Variants in RDX observed in about 807,000 individuals in gnomAD.
The protein encoded by RDX is deafness, autosomal recessive 24.
In RDX, 32 loss-of-function variants were observed where a neutral mutation model predicts 83.7. The ratio of observed to expected loss-of-function variants is 0.38; its 90% CI spans 0.29 to 0.51. The LOEUF is 0.51. RDX is among the 20% of genes least tolerant of loss of function. The pLI, the probability that RDX is intolerant of heterozygous loss-of-function variation, is 0.87. For synonymous variants in RDX, 229 were observed against 222.7 expected (o/e 1.03, Z -0.25); for missense variants, 600 against 689.9 (o/e 0.87, Z 1.46).
intron 5 of RDX, among the ~76,000 whole-genome samples, chr11:110,260,825 ATTATTAC>A (rs1208958748): frequency 6.6e-6 from 1 of 152,224 alleles, no homozygotes; most frequent in Non-Finnish European, 1.5e-5. Flanking sequence ...AATACACTAT[ATTATTAC>A]TACTATGTAG....
chr11:110,295,532 C>A (rs919248980), intron 1 of RDX, among the ~76,000 whole-genome samples: 5 of 148,754 alleles, frequency 3.4e-5, no homozygotes, highest in Non-Finnish European at 7.4e-5. Flanking sequence ...ACTTTTAACA[C>A]ATTTCCAACC....
At chr11:110,254,329 A>G (rs1002680263) in intron 8 of RDX, among the ~76,000 whole-genome samples, 1 of 152,168 alleles carries the variant, frequency 6.6e-6, no homozygotes, top group African/African-American at 2.4e-5. Flanking sequence ...TAAAGAGGCT[A>G]ATATTCTTAT....
intron 15 of RDX, among the ~76,000 whole-genome samples, chr11:110,197,503 C>A (rs577207427): frequency 6.6e-6 from 1 of 152,296 alleles, no homozygotes; most frequent in South Asian, 2.1e-4. Context: ...TTCAAAATCT[C>A]TTTCTGTCAT....
intron 5 of RDX, among the ~76,000 whole-genome samples, chr11:110,262,069 C>T (rs1468470806): frequency 6.6e-6 from 1 of 151,922 alleles, no homozygotes; most frequent in African/African-American, 2.4e-5. Flanking sequence ...AAAAGGTAAT[C>T]CTTATATGAA....
chr11:110,280,159 T>A (rs771017218), intron 1 of RDX, among the ~76,000 whole-genome samples: 1 of 152,194 alleles, frequency 6.6e-6, no homozygotes, highest in Non-Finnish European at 1.5e-5. Context: ...TTAAGAATAC[T>A]TATTCAATGT....
intron 5 of RDX, among the ~76,000 whole-genome samples, chr11:110,259,119 G>T (rs760281435): frequency 1.3e-5 from 2 of 151,860 alleles, no homozygotes; most frequent in Non-Finnish European, 2.9e-5. Context: ...GGTATTTTTA[G>T]TAGAGACGGG....
chr11:110,207,860 A>G (rs1026908586), intron 14 of RDX, among the ~76,000 whole-genome samples: 6 of 152,194 alleles, frequency 3.9e-5, no homozygotes, highest in African/African-American at 1.4e-4. Context: ...TATTTGCTCT[A>G]ATTTGATAGA....
chr11:110,181,040 T>C (rs1047153227), intron 15 of RDX, among the ~76,000 whole-genome samples: 4 of 152,190 alleles, frequency 2.6e-5, no homozygotes, highest in Admixed American at 6.5e-5. Flanking sequence ...TGGACAAAAC[T>C]GCTTCATTGC....
At chr11:110,239,298 G>C (rs564085477) in intron 10 of RDX, among the ~76,000 whole-genome samples, 15 of 151,492 alleles carry the variant, frequency 9.9e-5, no homozygotes, top group Admixed American at 5.3e-4. Context: ...AAGATTTTTT[G>C]TGTAAGACCT....
intron 15 of RDX, among the ~76,000 whole-genome samples, chr11:110,192,117 C>T (rs1184521539): frequency 2.0e-5 from 3 of 152,136 alleles, no homozygotes; most frequent in African/African-American, 7.2e-5. Flanking sequence ...AGAGGCATCA[C>T]GTAACCCAAC....
chr11:110,205,596 C>CAA (rs535178400), intron 14 of RDX, among the ~76,000 whole-genome samples: 15 of 149,052 alleles, frequency 1.0e-4, no homozygotes, highest in African/African-American at 3.7e-4. Flanking sequence ...AAAAAACAGG[C>CAA]AAAAAAAAAG....
chr11:110,262,855 C>T (rs1343378513), intron 5 of RDX, among the ~76,000 whole-genome samples: 2 of 152,102 alleles, frequency 1.3e-5, no homozygotes, highest in African/African-American at 4.8e-5. Context: ...TTTAGGTCTT[C>T]TGATAATTTT....
chr11:110,188,088 G>A (rs2134223682), intron 15 of RDX, among the ~76,000 whole-genome samples: 1 of 152,294 alleles, frequency 6.6e-6, no homozygotes, highest in South Asian at 2.1e-4. Context: ...GAGGTCAGGA[G>A]TTCAAGACCA....
At chr11:110,218,763 G>A (rs1227662947) in intron 14 of RDX, among the ~76,000 whole-genome samples, 4 of 152,124 alleles carry the variant, frequency 2.6e-5, no homozygotes, top group African/African-American at 7.2e-5. Flanking sequence ...TTGCCTCCTC[G>A]ATTAAGAGTA....
In RDX at chr11:110,231,783, G is replaced by C. The variant is rs1864646379; in HGVS notation, c.*86C>G. On this transcript the variant is annotated 3_prime_UTR_variant, in exon 14 of 14. Coordinates refer to ENST00000645495, the MANE Select transcript of RDX (RefSeq NM_002906.4). ...CTGGTGTAAGTGCTTTGGCAAGGTG[G>C]GATGCATTCCATCATATCTGCAAAG... 6.9e-7 allele frequency: 1 copy of C among 1,444,552 alleles called. No individual in the cohort carries two copies. The highest frequency in any genetic ancestry group is 2.3e-5 in the East Asian group (1 of 44,036). The allele number at this position is 1,444,552 out of a possible 1,614,324, so 89.5% of individuals were successfully genotyped here.
At chr11:110,225,836 T>G (rs1864413356), downstream of RDX, among the ~76,000 whole-genome samples, 1 of 151,686 alleles carries the variant, frequency 6.6e-6, no homozygotes, top group South Asian at 2.1e-4. Context: ...CACCTGAGGT[T>G]AGGAGTTCAA....
chr11:110,260,648 C>A (rs1283250354), intron 5 of RDX, among the ~76,000 whole-genome samples: 1 of 152,144 alleles, frequency 6.6e-6, no homozygotes, highest in Non-Finnish European at 1.5e-5. Context: ...TGGCCAGTGT[C>A]TCAGTACAGT....
chr11:110,293,910 T>C (rs1368149395), intron 1 of RDX, among the ~76,000 whole-genome samples: 1 of 152,218 alleles, frequency 6.6e-6, no homozygotes, highest in Non-Finnish European at 1.5e-5. Context: ...TTTTTAAACA[T>C]TAGTAGCATA....
chr11:110,285,043 A>C (rs1860926377), intron 1 of RDX, among the ~76,000 whole-genome samples: 1 of 152,254 alleles, frequency 6.6e-6, no homozygotes, highest in Non-Finnish European at 1.5e-5. Flanking sequence ...AAATGCTATT[A>C]AAACCTATGT....
Sources: gnomAD v4.1 joint callset for allele counts (sites outside exome capture counted in the v4.1 genomes callset) on GRCh38, gnomAD v4.1.1 for gene constraint, MANE v1.5 for transcripts, NCBI Gene and HGNC (gene_info 2026-07-23, HGNC 2026-07-21) for gene names.